The following SLC2A9 variants were observed in gnomAD, a reference collection of about 807,000 sequenced individuals.
SLC2A9 encodes solute carrier family 2 member 9, also known as solute carrier family 2, facilitated glucose transporter member 9.
SLC2A9 carries 39 observed loss-of-function variants against 50.6 expected under a neutral mutation model. That is an observed-to-expected ratio of 0.77 (90% CI 0.60 to 1.01). The LOEUF is 1.01. Ranked by LOEUF, SLC2A9 falls within the 50% of genes least tolerant of loss-of-function variation. SLC2A9 has a pLI of 0.00. For missense variants in SLC2A9, 686 were observed against 677.6 expected, an observed-to-expected ratio of 1.01 and a Z score of -0.14; for synonymous variants, 324 against 276.9, an observed-to-expected ratio of 1.17 and a Z score of -1.69.
intron 7 of SLC2A9, 122 bp from the exon 8 acceptor site, chr4:9,908,467 C>A: frequency 9.2e-6 from 5 of 544,354 alleles, no homozygotes; most frequent in Non-Finnish European, 1.7e-5. Context: ...GGTGGAGAGG[C>A]GTGGATGCTC....
chr4:9,835,031 T>C, intron 10 of SLC2A9, 23 bp from the exon 11 acceptor site: 5 of 1,612,528 alleles, frequency 3.1e-6, no homozygotes, highest in South Asian at 2.2e-5. Context: ...AGCCAGGACA[T>C]GGAATTAATC....
At chr4:9,899,665 C>T (rs764915863) in intron 8 of SLC2A9, among the ~76,000 whole-genome samples, 5 of 152,150 alleles carry the variant, frequency 3.3e-5, no homozygotes, top group East Asian at 1.9e-4. Context: ...TAAAAGGTAT[C>T]GGTGTATCTG....
At chr4:10,033,112 T>C (rs539171559) in intron 1 of SLC2A9, among the ~76,000 whole-genome samples, 2 of 152,340 alleles carry the variant, frequency 1.3e-5, no homozygotes, top group African/African-American at 4.8e-5. Flanking sequence ...TTTCCTCCTT[T>C]TGTCCAGGGC....
chr4:9,875,390 C>A (rs55816202), intron 10 of SLC2A9, among the ~76,000 whole-genome samples: 16,201 of 145,426 alleles, frequency 0.11, 937 homozygotes, highest in African/African-American at 0.16. Flanking sequence ...GCGTCTGTCT[C>A]AGATGGGATG....
Position 9,908,085 on chromosome 4 carries a change from C to A in SLC2A9, c.1113+150G>T, listed in dbSNP as rs1220178894. The A allele has an allele frequency of 4.3e-6, 3 of 690,174 alleles. No individual in the cohort carries two copies. In the African/African-American group the frequency reaches 5.3e-5, roughly 12 times the overall value. 42.8% of individuals were successfully genotyped at this position (690,174 alleles called of 1,614,324 possible). A position where few individuals can be genotyped will look rare whatever the true frequency, so the allele number is the denominator to read the frequency against. ...CCCCATCCCAGCTATTTCTTTAAAACCAAGAGTTTGCTGAATGATAGGAAA... is the reference window on the plus strand; with the variant it reads ...CCCCATCCCAGCTATTTCTTTAAAAACAAGAGTTTGCTGAATGATAGGAAA... On this transcript the variant is annotated intron_variant, in intron 8 of 11. Coordinates refer to ENST00000264784, the MANE Select transcript of SLC2A9 (RefSeq NM_020041.3).
At chr4:9,969,407 A>G (rs1753545060) in intron 5 of SLC2A9, among the ~76,000 whole-genome samples, 1 of 152,216 alleles carries the variant, frequency 6.6e-6, no homozygotes, top group African/African-American at 2.4e-5. Context: ...TGTCATTTAC[A>G]GTTATTTTAA....
chr4:9,944,310 C>A (rs940176235), intron 5 of SLC2A9, among the ~76,000 whole-genome samples: 2 of 152,214 alleles, frequency 1.3e-5, no homozygotes, highest in Non-Finnish European at 2.9e-5. Flanking sequence ...GGGGTCTATG[C>A]ACTAGCTGAG....
chr4:9,785,001 C>T (rs1242034653), intron 3 of SLC2A9, among the ~76,000 whole-genome samples: 1 of 152,122 alleles, frequency 6.6e-6, no homozygotes, highest in Non-Finnish European at 1.5e-5. Context: ...AAAGCAAATC[C>T]TATTCAGTAC....
chr4:9,846,161 G>A (rs2109269156), intron 10 of SLC2A9, among the ~76,000 whole-genome samples: 1 of 152,332 alleles, frequency 6.6e-6, no homozygotes, highest in East Asian at 1.9e-4. Flanking sequence ...TCCGGACCCA[G>A]GTAAGAGACT....
intron 10 of SLC2A9, among the ~76,000 whole-genome samples, chr4:9,869,287 C>A (rs780554109): frequency 6.6e-6 from 1 of 152,220 alleles, no homozygotes; most frequent in African/African-American, 2.4e-5. Flanking sequence ...TTCTCACATG[C>A]AAACCTGGTC....
chr4:9,876,780 T>A (rs1734379097), intron 10 of SLC2A9, among the ~76,000 whole-genome samples: 1 of 152,076 alleles, frequency 6.6e-6, no homozygotes, highest in Admixed American at 6.6e-5. Context: ...GGGTGTGGAG[T>A]CTGAGTCTTT....
At chr4:9,968,224 T>C (rs1753347816) in intron 5 of SLC2A9, among the ~76,000 whole-genome samples, 1 of 152,198 alleles carries the variant, frequency 6.6e-6, no homozygotes, top group Non-Finnish European at 1.5e-5. Context: ...GGTATCTTCA[T>C]TTCTCAAGGT....
At chr4:9,828,156 G>C (rs1264644157) in intron 11 of SLC2A9, among the ~76,000 whole-genome samples, 1 of 152,010 alleles carries the variant, frequency 6.6e-6, no homozygotes, top group Admixed American at 6.6e-5. Context: ...AAAACACTTG[G>C]AGGCAGGCTG....
Position 10,028,895 on chromosome 4 carries a change from G to A in SLC2A9, c.-40-2889C>T, listed in dbSNP as rs780794206. 1.4e-4 allele frequency: 21 copies of A among 152,328 alleles called. 1 individual carries two copies. Among genetic ancestry groups the A allele is most frequent in the Non-Finnish European group, 2.6e-4 (18 of 68,212 alleles). The allele number at this position is 152,328 out of a possible 1,614,324, so 9.4% of individuals were successfully genotyped here. A position where few individuals can be genotyped will look rare whatever the true frequency, so the allele number is the denominator to read the frequency against. The stretch of plus-strand genomic sequence containing the variant: ...CATTGCAGCCTCTGTGCCCCTCACC[G>A]CCCTGGGGTGAAGCTTCAGCCCAAT... On this transcript the variant is annotated intron_variant, in intron 1 of 12. Transcript: ENST00000309065.
At chr4:9,890,476 T>A (rs1737170582) in intron 9 of SLC2A9, 134 bp downstream of exon 9, 2 of 848,838 alleles carry the variant, frequency 2.4e-6, no homozygotes, top group East Asian at 5.3e-5. Context: ...AGAGATGAGA[T>A]GTCCCCGGGG....
At chr4:9,936,825 ACT>A (rs1305232727) in intron 6 of SLC2A9, among the ~76,000 whole-genome samples, 3 of 152,020 alleles carry the variant, frequency 2.0e-5, no homozygotes, top group East Asian at 1.9e-4. Flanking sequence ...TGGTCTCTAA[ACT>A]CTCTGGTGAT....
At chr4:9,802,630 C>T (rs1486371354) in intron 3 of SLC2A9, among the ~76,000 whole-genome samples, 1 of 140,594 alleles carries the variant, frequency 7.1e-6, no homozygotes, top group South Asian at 2.3e-4. Flanking sequence ...GGTGTGATCT[C>T]GGCTCACTGC....
At chr4:9,798,211 G>T (rs184427697), downstream of SLC2A9, among the ~76,000 whole-genome samples, 2 of 152,312 alleles carry the variant, frequency 1.3e-5, no homozygotes, top group East Asian at 3.9e-4. Context: ...ACTGGTGATG[G>T]AATGCCATTG....
intron 3 of SLC2A9, among the ~76,000 whole-genome samples, chr4:9,799,865 C>T (rs988390988): frequency 6.6e-6 from 1 of 152,030 alleles, no homozygotes; most frequent in Non-Finnish European, 1.5e-5. Context: ...AGAACCGTTA[C>T]TGAGGGTTGG....
Sources: allele counts gnomAD v4.1 joint callset (sites outside exome capture counted in the v4.1 genomes callset), GRCh38; gene constraint gnomAD v4.1.1; transcripts MANE v1.5; gene names NCBI Gene and HGNC (gene_info 2026-07-23, HGNC 2026-07-21).